Variants in SPMIP2 observed in about 807,000 individuals in gnomAD.
SPMIP2 encodes sperm microtubule inner protein 2, also known as protein SPMIP2.
the SPMIP2 span, among the ~76,000 whole-genome samples, chr4:159,010,119 C>T: frequency 6.6e-6 from 1 of 152,204 alleles, no homozygotes; most frequent in African/African-American, 2.4e-5. Flanking sequence ...TTAGTGGACA[C>T]GTTGTTAATC....
At chr4:158,935,487 TTG>T in the SPMIP2 span, among the ~76,000 whole-genome samples, 1 of 152,130 alleles carries the variant, frequency 6.6e-6, no homozygotes, top group Non-Finnish European at 1.5e-5. Context: ...CCTTACGTCT[TTG>T]TGTCTTCAGC....
the SPMIP2 span, among the ~76,000 whole-genome samples, chr4:158,967,393 C>A: frequency 6.6e-6 from 1 of 151,934 alleles, no homozygotes; most frequent in African/African-American, 2.4e-5. Context: ...TTATACCAGC[C>A]CTTAAGGATG....
chr4:158,951,949 A>G, the SPMIP2 span, among the ~76,000 whole-genome samples: 1 of 152,344 alleles, frequency 6.6e-6, no homozygotes, highest in African/African-American at 2.4e-5. Flanking sequence ...CACTTTGTCT[A>G]AATTCCTCTT....
chr4:158,957,314 C>T, the SPMIP2 span, among the ~76,000 whole-genome samples: 27 of 152,230 alleles, frequency 1.8e-4, no homozygotes, highest in African/African-American at 5.5e-4. Flanking sequence ...TCTCACTACT[C>T]TCCCCATTGC....
the SPMIP2 span, among the ~76,000 whole-genome samples, chr4:159,037,642 G>C: frequency 6.6e-6 from 1 of 151,790 alleles, no homozygotes; most frequent in South Asian, 2.1e-4. Flanking sequence ...ACAGTGGTCT[G>C]TGTCTATGGT....
the SPMIP2 span, among the ~76,000 whole-genome samples, chr4:159,061,778 T>C: frequency 6.8e-6 from 1 of 146,074 alleles, no homozygotes; most frequent in East Asian, 2.0e-4. Context: ...ACCACTGCAC[T>C]CCAGCCTGGG....
At chr4:158,979,355 G>A in the SPMIP2 span, among the ~76,000 whole-genome samples, 4 of 152,174 alleles carry the variant, frequency 2.6e-5, no homozygotes, top group Non-Finnish European at 4.4e-5. Context: ...CTCTCCAGGG[G>A]AGTGAATGGT....
chr4:158,967,895 TCTTA>T, the SPMIP2 span, among the ~76,000 whole-genome samples: 31 of 152,238 alleles, frequency 2.0e-4, no homozygotes, highest in Non-Finnish European at 3.5e-4. Context: ...GAACTCACTC[TCTTA>T]CTTTTTTCCC....
the SPMIP2 span, among the ~76,000 whole-genome samples, chr4:158,977,669 C>T: frequency 7.5e-6 from 1 of 133,856 alleles, no homozygotes; most frequent in Non-Finnish European, 1.5e-5. Flanking sequence ...GGCTGGAGAG[C>T]AGTGGCACAA....
chr4:158,907,780 T>G, the SPMIP2 span: 1 of 152,192 alleles, frequency 6.6e-6, no homozygotes. Flanking sequence ...CCCCTCTGAA[T>G]GTTAATTTTT....
At chr4:159,075,676 C>A in the SPMIP2 span, among the ~76,000 whole-genome samples, 1 of 152,150 alleles carries the variant, frequency 6.6e-6, no homozygotes, top group South Asian at 2.1e-4. Flanking sequence ...TGTCATAGAC[C>A]AATACTCAGG....
chr4:159,014,768 T>A, the SPMIP2 span, among the ~76,000 whole-genome samples: 3 of 151,824 alleles, frequency 2.0e-5, no homozygotes, highest in Admixed American at 6.6e-5. Context: ...AGAAGAATTA[T>A]CTCAGGCCAC....
the SPMIP2 span, among the ~76,000 whole-genome samples, chr4:158,946,561 C>T: frequency 6.6e-6 from 1 of 152,172 alleles, no homozygotes; most frequent in Non-Finnish European, 1.5e-5. Flanking sequence ...GTATGCCTTG[C>T]TTCTCTTTCG....
chr4:159,049,873 A>G, the SPMIP2 span, among the ~76,000 whole-genome samples: 862 of 152,330 alleles, frequency 5.7e-3, 8 homozygotes, highest in African/African-American at 0.02. Context: ...TATATACTGC[A>G]TTACATCACT....
the SPMIP2 span, among the ~76,000 whole-genome samples, chr4:159,025,255 C>T: frequency 1.3e-5 from 2 of 152,150 alleles, no homozygotes; most frequent in Non-Finnish European, 2.9e-5. Flanking sequence ...ACCTCTATCC[C>T]CTGGGTTCAA....
chr4:158,982,488 A>T, the SPMIP2 span, among the ~76,000 whole-genome samples: 1 of 152,202 alleles, frequency 6.6e-6, no homozygotes, highest in Non-Finnish European at 1.5e-5. Flanking sequence ...AACACTCCTC[A>T]GCAAATGCAA....
the SPMIP2 span, among the ~76,000 whole-genome samples, chr4:158,914,763 T>A: frequency 6.6e-6 from 1 of 152,214 alleles, no homozygotes; most frequent in Non-Finnish European, 1.5e-5. Context: ...CAAGATTCCA[T>A]AAATAGTTTA....
At chr4:158,981,278 C>G in the SPMIP2 span, among the ~76,000 whole-genome samples, 11 of 152,180 alleles carry the variant, frequency 7.2e-5, no homozygotes, top group African/African-American at 2.7e-4. Context: ...TTGGAAAACA[C>G]TCTTCAGGAT....
At chr4:159,036,998 C>T in the SPMIP2 span, among the ~76,000 whole-genome samples, 79,828 of 152,074 alleles carry the variant, frequency 0.52, 21,593 homozygotes, top group East Asian at 0.76. Context: ...GCTCACTCAC[C>T]TGTGGTTTTA....
Sources: allele counts gnomAD v4.1 joint callset (sites outside exome capture counted in the v4.1 genomes callset), GRCh38; gene constraint gnomAD v4.1.1; transcripts MANE v1.5; gene names NCBI Gene and HGNC (gene_info 2026-07-23, HGNC 2026-07-21).